The following NME7 variants were observed in gnomAD, a reference collection of about 807,000 sequenced individuals.
NME7 encodes the protein NME/NM23 family member 7, also known as nucleoside diphosphate kinase 7.
NME7 carries 41 observed loss-of-function variants against 49.1 expected under a neutral mutation model. The observed-to-expected ratio is 0.83, with a 90% CI of 0.65 to 1.08. The LOEUF (loss-of-function observed/expected upper bound fraction) is 1.08, where lower values mean the gene tolerates loss of function less well. Ranked by LOEUF, NME7 falls within the 50% of genes least tolerant of loss-of-function variation. The probability of loss-of-function intolerance (pLI) is 0.00; values close to 1 mark genes in which losing one functional copy is unlikely to be tolerated. For missense variants in NME7, 423 were observed against 463.4 expected (o/e 0.91, Z 0.80); for synonymous variants, 139 against 150.6 (o/e 0.92, Z 0.56).
At chr1:169,281,920 G>A (rs1314049178) in intron 7 of NME7, among the ~76,000 whole-genome samples, 1 of 152,000 alleles carries the variant, frequency 6.6e-6, no homozygotes, top group Admixed American at 6.6e-5. Flanking sequence ...TTTTTTTGTT[G>A]TGTCTCTTCC....
chr1:169,135,047 G>C (rs922777264), intron 11 of NME7, among the ~76,000 whole-genome samples: 3 of 93,060 alleles, frequency 3.2e-5, no homozygotes, highest in African/African-American at 1.1e-4. Flanking sequence ...AAAAATAGCC[G>C]AGCATGGTGG....
chr1:169,136,856 A>T (rs1658448190), intron 11 of NME7, among the ~76,000 whole-genome samples: 2 of 152,220 alleles, frequency 1.3e-5, no homozygotes, highest in Non-Finnish European at 2.9e-5. Context: ...TTAGTGTATC[A>T]GACACTTTAG....
chr1:169,328,191 G>GT (rs1557823901), intron 1 of NME7, among the ~76,000 whole-genome samples: 3 of 152,040 alleles, frequency 2.0e-5, no homozygotes, highest in African/African-American at 7.2e-5. Flanking sequence ...CTATAAAGGG[G>GT]TTTTTTGGAG....
chr1:169,239,758 A>G (rs532343899), intron 7 of NME7, among the ~76,000 whole-genome samples: 2 of 152,162 alleles, frequency 1.3e-5, no homozygotes, highest in Non-Finnish European at 2.9e-5. Flanking sequence ...AAAGAGCTGG[A>G]GAAGAATACA....
At position 169,334,533 on chromosome 1, in the gene NME7, G is replaced by A. The variant is rs1002587443; in HGVS notation, c.4-10033C>T. Among the ~76,000 whole-genome samples, 7 of 152,074 alleles carry A rather than the reference G, an allele frequency of 4.6e-5. No homozygotes were observed. The South Asian group carries it at 1.5e-3, about 32-fold the overall frequency. On this transcript the variant is annotated intron_variant, in intron 1 of 11. Coordinates refer to ENST00000367811, the MANE Select transcript of NME7 (RefSeq NM_013330.5). ...ATATGCAGAAAAATGAAACTGGAAC[G>A]CTTCCTTACACTTTATAGAAAAATT...
At chr1:169,337,317 C>T (rs1652521730) in intron 1 of NME7, among the ~76,000 whole-genome samples, 2 of 152,300 alleles carry the variant, frequency 1.3e-5, no homozygotes, top group South Asian at 4.1e-4. Flanking sequence ...AGCTGCTGGC[C>T]CGGGTGCTAA....
intron 10 of NME7, among the ~76,000 whole-genome samples, chr1:169,188,031 C>A (rs370816446): frequency 6.6e-6 from 1 of 152,050 alleles, no homozygotes; most frequent in African/African-American, 2.4e-5. Context: ...GATATGAAAT[C>A]CTGGGTTGAA....
intron 10 of NME7, among the ~76,000 whole-genome samples, chr1:169,213,807 T>A (rs12739920): frequency 0.38 from 56,812 of 150,750 alleles, 11,402 homozygotes; most frequent in East Asian, 0.79. Context: ...TGGGAAAAAA[T>A]ATAAAAATAA....
intron 9 of NME7, among the ~76,000 whole-genome samples, chr1:169,232,329 C>T (rs2157597): frequency 0.25 from 37,181 of 151,672 alleles, 5,520 homozygotes; most frequent in Non-Finnish European, 0.34. Flanking sequence ...CCATGTCAAG[C>T]TGTCTATTAT....
chr1:169,248,452 C>A (rs191564571), intron 7 of NME7, among the ~76,000 whole-genome samples: 171 of 152,064 alleles, frequency 1.1e-3, no homozygotes, highest in Admixed American at 9.2e-4. Context: ...ATAGTTATTT[C>A]TTTTAATGTA....
intron 1 of NME7, among the ~76,000 whole-genome samples, chr1:169,362,029 G>A (rs1653679422): frequency 6.6e-6 from 1 of 152,008 alleles, no homozygotes; most frequent in South Asian, 2.1e-4. Context: ...CCAACATGGT[G>A]AAACCCTGTC....
chr1:169,325,522 AG>A (rs1571390844), intron 1 of NME7, among the ~76,000 whole-genome samples: 2 of 152,118 alleles, frequency 1.3e-5, no homozygotes, highest in Admixed American at 6.5e-5. Context: ...TTGACTATTG[AG>A]CAGGACTTCC....
chr1:169,145,991 T>C (rs926359044), intron 11 of NME7, among the ~76,000 whole-genome samples: 5 of 152,152 alleles, frequency 3.3e-5, no homozygotes, highest in East Asian at 3.8e-4. Flanking sequence ...CATAGATATA[T>C]TGTGTGATGG....
At chr1:169,344,669 T>G (rs529796846) in intron 1 of NME7, among the ~76,000 whole-genome samples, 2 of 152,352 alleles carry the variant, frequency 1.3e-5, no homozygotes, top group East Asian at 3.9e-4. Flanking sequence ...TTGTGTTATA[T>G]TCATTGATTT....
intron 11 of NME7, among the ~76,000 whole-genome samples, chr1:169,137,710 G>T (rs998900402): frequency 6.6e-5 from 10 of 152,092 alleles, no homozygotes; most frequent in Non-Finnish European, 1.3e-4. Flanking sequence ...TTACTTTTCA[G>T]CTCCCAAAAT....
intron 10 of NME7, among the ~76,000 whole-genome samples, chr1:169,174,510 A>G (rs1428717720): frequency 6.6e-6 from 1 of 152,206 alleles, no homozygotes; most frequent in African/African-American, 2.4e-5. Context: ...TTGCTTAACA[A>G]CAGAGATATA....
At chr1:169,339,171 C>A (rs1293809255) in intron 1 of NME7, among the ~76,000 whole-genome samples, 1 of 152,040 alleles carries the variant, frequency 6.6e-6, no homozygotes, top group Non-Finnish European at 1.5e-5. Flanking sequence ...TCAAAAAACT[C>A]CCCCCCAAAC....
At chr1:169,211,496 C>A (rs1158581008) in intron 10 of NME7, among the ~76,000 whole-genome samples, 1 of 152,060 alleles carries the variant, frequency 6.6e-6, no homozygotes. Context: ...AGCTAAATCA[C>A]CTGGAAAAAA....
In NME7 at chr1:169,195,866, T is replaced by G. The variant is rs115919225; in HGVS notation, c.991-26312A>C. On this transcript the variant is annotated intron_variant, in intron 10 of 11. Transcript: ENST00000367811. ...CTAGTGAAAGGAAACAAAAAATAAG[T>G]GTGTTCAATAGTAAATGGTATAGTA... Among the ~76,000 whole-genome samples, 1,476 of 151,426 alleles carry G rather than the reference T, an allele frequency of 9.7e-3. 12 individuals carry two copies. Among genetic ancestry groups the G allele is most frequent in the African/African-American group, 0.034 (1,409 of 41,402 alleles).
Sources: allele counts gnomAD v4.1 joint callset (sites outside exome capture counted in the v4.1 genomes callset), GRCh38; gene constraint gnomAD v4.1.1; transcripts MANE v1.5; gene names NCBI Gene and HGNC (gene_info 2026-07-23, HGNC 2026-07-21).